KCNN3: variants seen among roughly 807,000 people sequenced by gnomAD.
The protein encoded by KCNN3 is potassium calcium-activated channel subfamily N member 3.
In KCNN3, 16 loss-of-function variants were observed where a neutral mutation model predicts 62.9. That is an observed-to-expected ratio of 0.25 (90% CI 0.17 to 0.39). The LOEUF (loss-of-function observed/expected upper bound fraction) is 0.39, where lower values mean the gene tolerates loss of function less well. KCNN3 is among the 10% of genes least tolerant of loss of function. The probability of loss-of-function intolerance (pLI) is 1.00; values close to 1 mark genes in which losing one functional copy is unlikely to be tolerated. For missense variants in KCNN3, 599 were observed against 949.4 expected, an observed-to-expected ratio of 0.63 and a Z score of 4.85; for synonymous variants, 370 against 389.2, an observed-to-expected ratio of 0.95 and a Z score of 0.58.
At chr1:154,858,810 A>G (rs908755810) in intron 1 of KCNN3, among the ~76,000 whole-genome samples, 4 of 150,440 alleles carry the variant, frequency 2.7e-5, no homozygotes, top group Non-Finnish European at 5.9e-5. Flanking sequence ...GACTCAACCG[A>G]TCCTCCCGCC....
intron 2 of KCNN3, among the ~76,000 whole-genome samples, chr1:154,812,294 A>G (rs1650439320): frequency 6.6e-6 from 1 of 152,156 alleles, no homozygotes; most frequent in African/African-American, 2.4e-5. Flanking sequence ...GTTTTAGGGT[A>G]CATGTGCACA....
intron 1 of KCNN3, among the ~76,000 whole-genome samples, chr1:154,823,787 T>C (rs1013892176): frequency 3.9e-5 from 6 of 152,078 alleles, no homozygotes; most frequent in African/African-American, 7.2e-5. Flanking sequence ...CAGAGGCAGA[T>C]GTGAGGAGCA....
chr1:154,777,977 T>C (rs1189947109), intron 2 of KCNN3, among the ~76,000 whole-genome samples: 2 of 152,254 alleles, frequency 1.3e-5, no homozygotes, highest in African/African-American at 4.8e-5. Context: ...TGACTCTTTC[T>C]GCCTCCTAAG....
At chr1:154,821,715 C>T (rs1169445098) in intron 2 of KCNN3, among the ~76,000 whole-genome samples, 2 of 152,190 alleles carry the variant, frequency 1.3e-5, no homozygotes, top group Non-Finnish European at 2.9e-5. Flanking sequence ...AAGGGATGAA[C>T]TGAGTGGCCC....
At chr1:154,738,755 A>G (rs183545439) in intron 3 of KCNN3, among the ~76,000 whole-genome samples, 20 of 152,354 alleles carry the variant, frequency 1.3e-4, no homozygotes, top group African/African-American at 4.6e-4. Context: ...ACTTGCATTA[A>G]TGACGAATAC....
chr1:154,735,598 C>T (rs1173982584), intron 3 of KCNN3, among the ~76,000 whole-genome samples: 2 of 152,066 alleles, frequency 1.3e-5, no homozygotes, highest in African/African-American at 4.8e-5. Flanking sequence ...CCTTGAGTAG[C>T]ACAGGCTGGT....
In KCNN3 at chr1:154,756,612, T is replaced by TTCC. The variant is rs146618223; in HGVS notation, c.1448+15360_1448+15362dup. On this transcript the variant is annotated intron_variant, in intron 3 of 7. Transcript: ENST00000271915. ...CCCTCTTGGTCTGTGAAGGGCTCAT[T>TTCC]TCCTCTCATCCTTCAGACCTCAGCT... Among the ~76,000 whole-genome samples, 943 of 152,238 alleles carry TTCC rather than the reference T, an allele frequency of 6.2e-3. 10 individuals carry two copies. The highest frequency in any genetic ancestry group is 7.8e-3 in the Non-Finnish European group (532 of 68,016).
At position 154,870,099 on chromosome 1, in the gene KCNN3, G is replaced by C. The variant is rs1417178372; in HGVS notation, c.-135C>G. Reference sequence around the variant, plus strand: ...TTGGCTCCAGTCCTCTCTTTGGCTTGCTTCGGTTCTCTGGGGCTGCCTGGA... The same window carrying C: ...TTGGCTCCAGTCCTCTCTTTGGCTTCCTTCGGTTCTCTGGGGCTGCCTGGA... On this transcript the variant is annotated 5_prime_UTR_variant, in exon 1 of 8. Coordinates refer to ENST00000271915, the MANE Select transcript of KCNN3 (RefSeq NM_002249.6). 7.4e-6 allele frequency: 8 copies of C among 1,078,702 alleles called. No homozygotes were observed. The allele number at this position is 1,078,702 out of a possible 1,614,324, so 66.8% of individuals were successfully genotyped here.
chr1:154,708,611 C>T (rs1487697607), intron 7 of KCNN3, among the ~76,000 whole-genome samples: 3 of 151,960 alleles, frequency 2.0e-5, no homozygotes, highest in Non-Finnish European at 2.9e-5. Flanking sequence ...GCTCACATGG[C>T]TGCTGGCATC....
intron 2 of KCNN3, among the ~76,000 whole-genome samples, chr1:154,810,506 T>C (rs1338629421): frequency 6.6e-6 from 1 of 152,188 alleles, no homozygotes; most frequent in African/African-American, 2.4e-5. Context: ...CCAGTTCTGA[T>C]GGCTGGGCAG....
intron 1 of KCNN3, among the ~76,000 whole-genome samples, chr1:154,839,875 G>C (rs1017812883): frequency 6.6e-5 from 10 of 152,202 alleles, no homozygotes; most frequent in Admixed American, 1.3e-4. Context: ...AGCTGCAAAT[G>C]GCTCTCAGAT....
chr1:154,710,449 G>T (rs1700051878), intron 7 of KCNN3, among the ~76,000 whole-genome samples: 2 of 152,186 alleles, frequency 1.3e-5, no homozygotes, highest in African/African-American at 2.4e-5. Flanking sequence ...TCCCCACGGG[G>T]GTTCTGCAGA....
intron 3 of KCNN3, among the ~76,000 whole-genome samples, chr1:154,735,278 C>T (rs969327653): frequency 6.6e-6 from 1 of 152,146 alleles, no homozygotes; most frequent in Non-Finnish European, 1.5e-5. Context: ...AGCAGATTCC[C>T]GCGAGCACAT....
At chr1:154,823,010 C>A (rs752276530) in intron 1 of KCNN3, among the ~76,000 whole-genome samples, 3 of 152,240 alleles carry the variant, frequency 2.0e-5, no homozygotes, top group Admixed American at 1.3e-4. Context: ...TCTGCACCAG[C>A]ATGCCTCCTG....
chr1:154,719,640 G>A lies in KCNN3; in HGVS notation c.1702-4637C>T, dbSNP rs367628822. 5.5e-4 allele frequency among the ~76,000 whole-genome samples: 83 copies of A among 152,204 alleles called. No homozygotes were observed. In the South Asian group the frequency reaches 0.015, roughly 27 times the overall value. On this transcript the variant is annotated intron_variant, in intron 5 of 7. Transcript: ENST00000271915. ...GCTGAGTGATGATCAGATCACTATC[G>A]GAGAACCTGCAAGCCAGCCCTTGAC...
At chr1:154,833,206 G>A (rs774485919) in intron 1 of KCNN3, among the ~76,000 whole-genome samples, 1 of 152,134 alleles carries the variant, frequency 6.6e-6, no homozygotes, top group African/African-American at 2.4e-5. Flanking sequence ...CCCACCTGAT[G>A]CTCAGAGGCA....
chr1:154,763,720 A>G (rs2101829999), intron 3 of KCNN3, among the ~76,000 whole-genome samples: 1 of 152,344 alleles, frequency 6.6e-6, no homozygotes, highest in South Asian at 2.1e-4. Flanking sequence ...TTGGAGTTTT[A>G]TAGGCTTGTG....
At chr1:154,822,545 C>T (rs936493906) in intron 1 of KCNN3, among the ~76,000 whole-genome samples, 2 of 152,226 alleles carry the variant, frequency 1.3e-5, no homozygotes, top group Admixed American at 6.5e-5. Context: ...CTCATATGAA[C>T]GTCATTCTTT....
At chr1:154,760,695 C>T (rs1246491540) in intron 3 of KCNN3, among the ~76,000 whole-genome samples, 1 of 152,250 alleles carries the variant, frequency 6.6e-6, no homozygotes, top group African/African-American at 2.4e-5. Context: ...CTCTCCCCAC[C>T]GGACCCCGCA....
Sources: allele counts gnomAD v4.1 joint callset (sites outside exome capture counted in the v4.1 genomes callset), GRCh38; gene constraint gnomAD v4.1.1; transcripts MANE v1.5; gene names NCBI Gene and HGNC (gene_info 2026-07-23, HGNC 2026-07-21).